The following POR variants were observed in gnomAD, a reference collection of about 807,000 sequenced individuals.
The protein encoded by POR is NADPH--cytochrome P450 reductase.
A neutral mutation model predicts 84.0 loss-of-function variants in POR; 56 were observed. The observed-to-expected ratio is 0.67, with a 90% CI of 0.54 to 0.83. The LOEUF is 0.83. POR is among the 40% of genes least tolerant of loss of function. The pLI is 0.00. For synonymous variants in POR, 414 were observed against 400.5 expected (o/e 1.03, Z -0.40); for missense variants, 938 against 944.3 (o/e 0.99, Z 0.09).
At chr7:75,979,730 C>T in intron 4 of POR, 151 bp downstream of exon 4, 2 of 1,072,428 alleles carry the variant, frequency 1.9e-6, no homozygotes, top group Non-Finnish European at 1.3e-6. Flanking sequence ...GGGTCATTGC[C>T]ATCCCTGCCC....
Position 75,980,428 on chromosome 7 carries a change from C to T in POR, c.456C>T (p.Ala152=). 6.2e-7 allele frequency: 1 copy of T among 1,613,334 alleles called. No homozygotes were observed. Among genetic ancestry groups the T allele is most frequent in the Non-Finnish European group, 8.5e-7 (1 of 1,179,884 alleles). The change falls in exon 5 of 16, where the codon GCC becomes GCT. Residue 152 remains alanine, a synonymous_variant. Coordinates refer to ENST00000461988, the MANE Select transcript of POR (RefSeq NM_000941.3). ...GTGAGGGAGACCCCACCGACAATGC[C>T]CAGGACTTCTACGACTGGCTGCAGG...
chr7:75,980,128 G>A (rs1788929951), intron 4 of POR, among the ~76,000 whole-genome samples: 1 of 152,150 alleles, frequency 6.6e-6, no homozygotes, highest in Non-Finnish European at 1.5e-5. Context: ...CTCCGCTCCA[G>A]CCTAACACGG....
At chr7:75,984,683 A>G (rs1171569536) in intron 10 of POR, 94 bp from the exon 11 acceptor site, 3 of 1,119,560 alleles carry the variant, frequency 2.7e-6, no homozygotes, top group African/African-American at 3.0e-5. Flanking sequence ...CTGTTGCCGC[A>G]GAGCTGGCCC....
intron 1 of POR, among the ~76,000 whole-genome samples, chr7:75,933,039 A>AT (rs1807494237): frequency 6.6e-6 from 1 of 151,890 alleles, no homozygotes; most frequent in African/African-American, 2.4e-5. Flanking sequence ...AAAAAAAAAA[A>AT]GGAAAAGTAT....
intron 1 of POR, among the ~76,000 whole-genome samples, chr7:75,926,786 G>A (rs1211803156): frequency 3.3e-5 from 5 of 151,976 alleles, no homozygotes; most frequent in African/African-American, 4.8e-5. Flanking sequence ...CAACAAGAGC[G>A]AAACTCTGTC....
chr7:75,938,275 C>T (rs73133927), intron 1 of POR, among the ~76,000 whole-genome samples: 5 of 152,272 alleles, frequency 3.3e-5, no homozygotes, highest in Non-Finnish European at 7.3e-5. Flanking sequence ...CTCCAGGATA[C>T]CTTGGTGAAA....
chr7:75,955,030 G>C (rs931345842), intron 2 of POR, among the ~76,000 whole-genome samples: 2 of 152,054 alleles, frequency 1.3e-5, no homozygotes, highest in African/African-American at 4.8e-5. Context: ...TTTTTATAGA[G>C]ACAGGGATTT....
chr7:75,965,477 C>G (rs1788137617), intron 2 of POR, among the ~76,000 whole-genome samples: 1 of 152,166 alleles, frequency 6.6e-6, no homozygotes, highest in Admixed American at 6.5e-5. Flanking sequence ...CCCTCGGACC[C>G]CTAGCTCTTG....
intron 1 of POR, chr7:75,923,118 T>A: frequency 1.2e-6 from 1 of 857,116 alleles, no homozygotes; most frequent in Non-Finnish European, 2.0e-6. Context: ...TGTAACCTTA[T>A]GTGACCTGGG....
At chr7:75,957,549 CT>C (rs11366871) in intron 2 of POR, among the ~76,000 whole-genome samples, 117,701 of 151,988 alleles carry the variant, frequency 0.77, 48,056 homozygotes, top group Non-Finnish European at 0.91. Flanking sequence ...GCCTGCGGAG[CT>C]TGCCACCAAG....
intron 1 of POR, among the ~76,000 whole-genome samples, chr7:75,948,659 TC>T (rs1199854439): frequency 1.3e-5 from 2 of 152,232 alleles, no homozygotes; most frequent in Non-Finnish European, 2.9e-5. Flanking sequence ...GCACTGCCAA[TC>T]CAGGTACCCG....
intron 3 of POR, among the ~76,000 whole-genome samples, chr7:75,975,677 G>A (rs1463874286): frequency 3.3e-5 from 5 of 152,020 alleles, no homozygotes; most frequent in Non-Finnish European, 7.4e-5. Flanking sequence ...TGGGCGCAAC[G>A]TGTTCAAGGT....
intron 2 of POR, among the ~76,000 whole-genome samples, chr7:75,958,032 G>A (rs1257305400): frequency 2.0e-5 from 3 of 152,188 alleles, no homozygotes; most frequent in African/African-American, 4.8e-5. Context: ...ACCTCATAAG[G>A]CTGTGAAAAC....
intron 3 of POR, among the ~76,000 whole-genome samples, chr7:75,973,549 C>T (rs1554556465): frequency 6.6e-6 from 1 of 151,880 alleles, no homozygotes; most frequent in African/African-American, 2.4e-5. Context: ...AACTCCTGGC[C>T]TCAAGCAATC....
chr7:75,972,015 TG>T (rs1235864155), intron 2 of POR, among the ~76,000 whole-genome samples: 1 of 149,054 alleles, frequency 6.7e-6, no homozygotes, highest in African/African-American at 2.5e-5. Flanking sequence ...GGTGAAGAGG[TG>T]GAAGGTCAGG....
At chr7:75,974,030 T>G (rs1234276715) in intron 3 of POR, among the ~76,000 whole-genome samples, 1 of 152,082 alleles carries the variant, frequency 6.6e-6, no homozygotes, top group Non-Finnish European at 1.5e-5. Context: ...GTCTCAAAGA[T>G]CCTTCCATAT....
intron 1 of POR, among the ~76,000 whole-genome samples, chr7:75,920,132 C>G (rs1806782209): frequency 8.3e-6 from 1 of 120,626 alleles, no homozygotes; most frequent in African/African-American, 3.3e-5. Context: ...GTGGTGTGAT[C>G]TTGGCTCACT....
chr7:75,926,985 C>T (rs991612530), intron 1 of POR, among the ~76,000 whole-genome samples: 3 of 152,026 alleles, frequency 2.0e-5, no homozygotes, highest in African/African-American at 7.3e-5. Context: ...AAAATGAACC[C>T]CAGGTCATTC....
At chr7:75,967,807 C>T (rs1554555505) in intron 2 of POR, 2 of 337,664 alleles carry the variant, frequency 5.9e-6, no homozygotes, top group Non-Finnish European at 6.0e-6. Flanking sequence ...TGGGAGGCTT[C>T]ACTCTGGAAT....
Sources: allele counts gnomAD v4.1 joint callset (sites outside exome capture counted in the v4.1 genomes callset), GRCh38; gene constraint gnomAD v4.1.1; transcripts MANE v1.5; gene names NCBI Gene and HGNC (gene_info 2026-07-23, HGNC 2026-07-21).